CHRNA7: variants seen among roughly 807,000 people sequenced by gnomAD.
The protein encoded by CHRNA7 is cholinergic receptor nicotinic alpha 7 subunit.
Under a neutral mutation model 48.0 loss-of-function variants are expected in CHRNA7, and 17 were observed. The observed-to-expected ratio is 0.35, with a 90% confidence interval of 0.24 to 0.53. CHRNA7 has a LOEUF of 0.53. Ranked by LOEUF, CHRNA7 falls within the 20% of genes least tolerant of loss-of-function variation. CHRNA7 has a pLI of 0.92. For synonymous variants in CHRNA7, 75 were observed against 242.3 expected (o/e 0.31, Z 6.41); for missense variants, 155 against 577.7 (o/e 0.27, Z 7.50).
At chr15:32,105,113 T>A (rs180692059) in intron 3 of CHRNA7, among the ~76,000 whole-genome samples, 7 of 152,356 alleles carry the variant, frequency 4.6e-5, no homozygotes, top group Admixed American at 3.3e-4. Flanking sequence ...TAAATTTATT[T>A]CAAGCACAGC....
intron 2 of CHRNA7, among the ~76,000 whole-genome samples, chr15:32,045,902 A>T (rs1036292296): frequency 7.0e-6 from 1 of 143,686 alleles, no homozygotes; most frequent in African/African-American, 2.6e-5. Context: ...CCCATCTATG[A>T]GTGAGAACAT....
chr15:32,074,687 T>C (rs2050109979), intron 2 of CHRNA7, among the ~76,000 whole-genome samples: 1 of 149,932 alleles, frequency 6.7e-6, no homozygotes, highest in South Asian at 2.1e-4. Flanking sequence ...AGAGTCTCCC[T>C]CTTGTTGCCC....
At chr15:32,048,217 G>A (rs138653800) in intron 2 of CHRNA7, among the ~76,000 whole-genome samples, 1,987 of 152,190 alleles carry the variant, frequency 0.013, 37 homozygotes, top group African/African-American at 0.045. Flanking sequence ...CTCTTTTTCT[G>A]TTGATTGGAA....
At chr15:32,044,253 C>CTCCCTTCCTTCCTTCCTTCCTTCCT (rs1555373124) in intron 2 of CHRNA7, among the ~76,000 whole-genome samples, 1 of 140,918 alleles carries the variant, frequency 7.1e-6, no homozygotes, top group African/African-American at 2.7e-5. Context: ...CGATCTTTTC[C>CTCCCTTCCTTCCTTCCTTCCTTCCT]TCCTTCCTTC....
At position 32,118,918 on chromosome 15, in the gene CHRNA7, G is replaced by C. The variant is rs756073324; in HGVS notation, c.350+7019G>C. Among the ~76,000 whole-genome samples the C allele has an allele frequency of 4.0e-5, 6 of 151,238 alleles. No individual in the cohort carries two copies. In the East Asian group the frequency reaches 1.2e-3, roughly 29 times the overall value. ...CAGGCCCTGTGATATCAAGTGGAGA[G>C]AGTGTTCCTGACAGAAGGAACAGCC... On this transcript the variant is annotated intron_variant, in intron 4 of 9. Transcript: ENST00000306901.
intron 4 of CHRNA7, among the ~76,000 whole-genome samples, chr15:32,131,173 A>G (rs534408856): frequency 4.0e-5 from 6 of 151,706 alleles, no homozygotes; most frequent in African/African-American, 1.5e-4. Flanking sequence ...TTTTGTATTT[A>G]TCTGGTTTGG....
At chr15:32,115,049 G>A (rs1440578249) in intron 4 of CHRNA7, among the ~76,000 whole-genome samples, 1 of 152,240 alleles carries the variant, frequency 6.6e-6, no homozygotes, top group East Asian at 1.9e-4. Flanking sequence ...CTGACAGGAA[G>A]GAAGGAGAGG....
chr15:32,132,205 C>T (rs2051168690), intron 4 of CHRNA7, among the ~76,000 whole-genome samples: 1 of 152,166 alleles, frequency 6.6e-6, no homozygotes, highest in African/African-American at 2.4e-5. Flanking sequence ...GGCTGCTTCT[C>T]TCCTGACCAT....
chr15:32,050,754 G>GT (rs60773059), intron 2 of CHRNA7, among the ~76,000 whole-genome samples: 39,869 of 151,858 alleles, frequency 0.26, 6,352 homozygotes, highest in East Asian at 0.59. Flanking sequence ...TTTCTGTTCT[G>GT]TTTTTTCCCC....
At chr15:32,129,056 A>G (rs1472333949) in intron 4 of CHRNA7, among the ~76,000 whole-genome samples, 1 of 151,948 alleles carries the variant, frequency 6.6e-6, no homozygotes, top group African/African-American at 2.4e-5. Context: ...GGTAGATTAC[A>G]TTGATCAGTT....
intron 4 of CHRNA7, among the ~76,000 whole-genome samples, chr15:32,136,070 A>T (rs2141326400): frequency 6.6e-6 from 1 of 152,350 alleles, no homozygotes; most frequent in East Asian, 1.9e-4. Flanking sequence ...CTACTATTTT[A>T]AAAAACTACC....
intron 2 of CHRNA7, among the ~76,000 whole-genome samples, chr15:32,076,056 A>G (rs2141225520): frequency 6.6e-6 from 1 of 152,038 alleles, no homozygotes; most frequent in Admixed American, 6.5e-5. Flanking sequence ...TATTTCAGTT[A>G]TTCTACATTT....
At chr15:32,123,952 A>G (rs1348467668) in intron 4 of CHRNA7, among the ~76,000 whole-genome samples, 2 of 147,732 alleles carry the variant, frequency 1.4e-5, no homozygotes, top group African/African-American at 5.1e-5. Flanking sequence ...CTCTAACATG[A>G]GAAAATCTGG....
At chr15:32,032,306 TA>T (rs1370331710) in intron 2 of CHRNA7, among the ~76,000 whole-genome samples, 1 of 152,110 alleles carries the variant, frequency 6.6e-6, no homozygotes, top group Non-Finnish European at 1.5e-5. Flanking sequence ...AGTTGCTGTT[TA>T]TGGAGCAGTT....
chr15:32,031,088 G>A (rs778912338), intron 2 of CHRNA7, 51 bp downstream of exon 2: 2 of 1,608,240 alleles, frequency 1.2e-6, no homozygotes, highest in East Asian at 4.5e-5. Context: ...TGGGCTCCGA[G>A]GGGCTTTTTA....
intron 4 of CHRNA7, among the ~76,000 whole-genome samples, chr15:32,121,187 C>G (rs1415059657): frequency 6.6e-6 from 1 of 152,168 alleles, no homozygotes; most frequent in African/African-American, 2.4e-5. Flanking sequence ...AGAAACAGAG[C>G]TTTCCTTGTG....
rs140669631 is a variant in CHRNA7, at chr15:32,097,815, T to G, written c.196-3488T>G. 1.4e-3 allele frequency among the ~76,000 whole-genome samples: 216 copies of G among 152,272 alleles called. 1 individual carries two copies. The highest frequency in any genetic ancestry group is 4.8e-3 in the African/African-American group (199 of 41,572). On this transcript the variant is annotated intron_variant, in intron 2 of 9. Transcript: ENST00000306901. ...TTGTTTGACTCGGGTGGCCTCCAAC[T>G]TGGGAGGGAGTGACTGCTGTAGGCA...
chr15:32,116,147 G>A (rs984551519), intron 4 of CHRNA7, among the ~76,000 whole-genome samples: 2 of 152,108 alleles, frequency 1.3e-5, no homozygotes, highest in African/African-American at 4.8e-5. Flanking sequence ...TCCTAAAGGA[G>A]GGGGTTAAAT....
intron 4 of CHRNA7, among the ~76,000 whole-genome samples, chr15:32,133,125 T>C (rs1489711238): frequency 6.6e-6 from 1 of 152,218 alleles, no homozygotes; most frequent in Non-Finnish European, 1.5e-5. Flanking sequence ...CCTTTCCTCA[T>C]AGGGATGAAT....
Sources: allele counts gnomAD v4.1 joint callset (sites outside exome capture counted in the v4.1 genomes callset), GRCh38; gene constraint gnomAD v4.1.1; transcripts MANE v1.5; gene names NCBI Gene and HGNC (gene_info 2026-07-23, HGNC 2026-07-21).